DOCK2: variants seen among roughly 807,000 people sequenced by gnomAD.
DOCK2 encodes dedicator of cytokinesis 2, also known as dedicator of cytokinesis protein 2.
DOCK2 carries 87 observed loss-of-function variants against 248.9 expected under a neutral mutation model. The ratio of observed to expected loss-of-function variants is 0.35; its 90% CI spans 0.29 to 0.42. The LOEUF is 0.42. DOCK2 is among the 10% of genes least tolerant of loss of function. The pLI is 1.00. For missense variants in DOCK2, 1,747 were observed against 2,300.2 expected, an observed-to-expected ratio of 0.76 and a Z score of 4.92; for synonymous variants, 805 against 821.6, an observed-to-expected ratio of 0.98 and a Z score of 0.35.
At chr5:169,919,122 G>A (rs1581415882) in intron 27 of DOCK2, among the ~76,000 whole-genome samples, 1 of 152,122 alleles carries the variant, frequency 6.6e-6, no homozygotes, top group Non-Finnish European at 1.5e-5. Flanking sequence ...TTGTGGAATT[G>A]ATCATTTATT....
chr5:170,071,936 A>C (rs1026376058), intron 46 of DOCK2, among the ~76,000 whole-genome samples: 1 of 152,218 alleles, frequency 6.6e-6, no homozygotes, highest in African/African-American at 2.4e-5. Context: ...TTTATGAGTC[A>C]TAACTATGAT....
chr5:169,737,584 A>G (rs779344334), intron 22 of DOCK2, among the ~76,000 whole-genome samples: 6 of 152,180 alleles, frequency 3.9e-5, no homozygotes, highest in Non-Finnish European at 8.8e-5. Context: ...AGAGCAAGGC[A>G]GAATTAGAGG....
At chr5:169,853,999 C>A (rs974771385) in intron 27 of DOCK2, among the ~76,000 whole-genome samples, 10 of 150,576 alleles carry the variant, frequency 6.6e-5, no homozygotes, top group Admixed American at 6.6e-4. Context: ...CCATGCTGGG[C>A]TAATTTTTTG....
At chr5:170,041,387 T>C (rs558599327) in intron 37 of DOCK2, among the ~76,000 whole-genome samples, 29 of 152,342 alleles carry the variant, frequency 1.9e-4, no homozygotes, top group African/African-American at 6.5e-4. Flanking sequence ...CAGCTTTATA[T>C]AATATCTAAA....
chr5:169,880,145 C>T (rs534555151), intron 27 of DOCK2, among the ~76,000 whole-genome samples: 29 of 152,244 alleles, frequency 1.9e-4, no homozygotes, highest in African/African-American at 6.5e-4. Flanking sequence ...AGGGCTCTTC[C>T]GGGGCCCTCT....
At chr5:169,828,565 G>C (rs1769021331) in intron 26 of DOCK2, among the ~76,000 whole-genome samples, 1 of 152,210 alleles carries the variant, frequency 6.6e-6, no homozygotes, top group African/African-American at 2.4e-5. Context: ...TTCTCTCTCT[G>C]GAGGGTGGTG....
intron 40 of DOCK2, among the ~76,000 whole-genome samples, chr5:170,049,952 G>A (rs183044702): frequency 4.7e-4 from 72 of 152,318 alleles, no homozygotes; most frequent in Admixed American, 9.1e-4. Flanking sequence ...ATAGGAGAGT[G>A]GGTGTGACAC....
chr5:169,904,046 T>C (rs1239363785), intron 27 of DOCK2, among the ~76,000 whole-genome samples: 2 of 145,760 alleles, frequency 1.4e-5, no homozygotes, highest in Admixed American at 1.4e-4. Flanking sequence ...TGAGCCGAGA[T>C]CGTTCCATTG....
intron 27 of DOCK2, among the ~76,000 whole-genome samples, chr5:169,936,303 G>C (rs555845189): frequency 6.6e-6 from 1 of 152,198 alleles, no homozygotes; most frequent in African/African-American, 2.4e-5. Flanking sequence ...GGGCTAGGCT[G>C]CAGCAAGGGC....
At chr5:169,882,705 G>A (rs1341626853) in intron 27 of DOCK2, 2 of 1,551,904 alleles carry the variant, frequency 1.3e-6, no homozygotes, top group Non-Finnish European at 1.7e-6. Context: ...TTTGATTAAT[G>A]TCACTAATCT....
chr5:169,911,713 G>T (rs1774609309), intron 27 of DOCK2, among the ~76,000 whole-genome samples: 1 of 152,200 alleles, frequency 6.6e-6, no homozygotes, highest in Admixed American at 6.5e-5. Context: ...GTGCTACAGA[G>T]ATGGTAAAAA....
chr5:169,887,656 T>G (rs1333581406), intron 27 of DOCK2, among the ~76,000 whole-genome samples: 1 of 152,246 alleles, frequency 6.6e-6, no homozygotes, highest in Admixed American at 6.5e-5. Context: ...TTTCTAAATA[T>G]TTGGTATTAT....
At chr5:169,957,418 A>G (rs1447512874) in intron 27 of DOCK2, among the ~76,000 whole-genome samples, 1 of 152,214 alleles carries the variant, frequency 6.6e-6, no homozygotes, top group Non-Finnish European at 1.5e-5. Context: ...AACCAATGTT[A>G]GCTTAGTACT....
At chr5:169,822,809 C>CA (rs1246562094) in intron 26 of DOCK2, among the ~76,000 whole-genome samples, 1 of 151,974 alleles carries the variant, frequency 6.6e-6, no homozygotes, top group Admixed American at 6.6e-5. Context: ...AAAAACCCTT[C>CA]AAAAAATCAA....
At chr5:169,707,688 G>A (rs1166932930) in intron 14 of DOCK2, among the ~76,000 whole-genome samples, 1 of 152,160 alleles carries the variant, frequency 6.6e-6, no homozygotes, top group African/African-American at 2.4e-5. Context: ...GTGCTCATGT[G>A]TCTCTCTGAA....
At position 170,049,878 on chromosome 5, in the gene DOCK2, C is replaced by T. The variant is rs573038526; in HGVS notation, c.4072-378C>T. Reference sequence around the variant, plus strand: ...ATGAGGATATGAATGCTGAACCATTCCAGCCCACAGGTCCAGCCCACATGG... The same window carrying T: ...ATGAGGATATGAATGCTGAACCATTTCAGCCCACAGGTCCAGCCCACATGG... On this transcript the variant is annotated intron_variant, in intron 40 of 51. Transcript: ENST00000520908. 3.9e-4 allele frequency among the ~76,000 whole-genome samples: 60 copies of T among 152,322 alleles called. 1 individual carries two copies. In the South Asian group the frequency reaches 0.012, roughly 30 times the overall value.
intron 44 of DOCK2, among the ~76,000 whole-genome samples, chr5:170,062,855 C>CA (rs1757377841): frequency 6.6e-6 from 1 of 152,184 alleles, no homozygotes; most frequent in Non-Finnish European, 1.5e-5. Context: ...CTTCCAGTGG[C>CA]TACTTGGCAG....
intron 25 of DOCK2, among the ~76,000 whole-genome samples, chr5:169,778,141 C>T (rs902325358): frequency 1.3e-5 from 2 of 152,330 alleles, no homozygotes; most frequent in East Asian, 3.9e-4. Context: ...TCCTCAGTTA[C>T]TATTTCTGGA....
chr5:169,653,185 A>G lies in DOCK2; in HGVS notation c.44-1218A>G, dbSNP rs80070649. Among the ~76,000 whole-genome samples the G allele has an allele frequency of 4.2e-3, 643 of 152,360 alleles. 6 individuals are homozygous for G. The highest frequency in any genetic ancestry group is 0.034 in the Middle Eastern group (10 of 294). Reference sequence around the variant, plus strand: ...GAGAACTTAGAATCATGTCTGGGATATAAGTGATTGCTACACATTCGTTCT... The same window carrying G: ...GAGAACTTAGAATCATGTCTGGGATGTAAGTGATTGCTACACATTCGTTCT... On this transcript the variant is annotated intron_variant, in intron 1 of 51. Coordinates refer to ENST00000520908, the MANE Select transcript of DOCK2 (RefSeq NM_004946.3).
Sources: allele counts gnomAD v4.1 joint callset (sites outside exome capture counted in the v4.1 genomes callset), GRCh38; gene constraint gnomAD v4.1.1; transcripts MANE v1.5; gene names NCBI Gene and HGNC (gene_info 2026-07-23, HGNC 2026-07-21).